Variants in MMS19 observed in about 807,000 individuals in gnomAD.
The protein encoded by MMS19 is MMS19 nucleotide excision repair protein homolog.
A neutral mutation model predicts 129.8 loss-of-function variants in MMS19; 77 were observed. The ratio of observed to expected loss-of-function variants is 0.59; its 90% confidence interval spans 0.49 to 0.72. MMS19 has a LOEUF of 0.72. Among genes scored for constraint, MMS19 ranks in the 30% least tolerant of loss-of-function variants. MMS19 has a pLI of 0.00. For synonymous variants in MMS19, 491 were observed against 502.8 expected (o/e 0.98, Z 0.31); for missense variants, 1,168 against 1,266.3 (o/e 0.92, Z 1.18).
intron 18 of MMS19, among the ~76,000 whole-genome samples, 153 bp from the exon 19 acceptor site, chr10:97,464,166 C>G (rs952764868): frequency 1.3e-5 from 2 of 152,228 alleles, no homozygotes; most frequent in Non-Finnish European, 1.5e-5. Flanking sequence ...CCTGGCTGTT[C>G]TTTCTGATCT....
At chr10:97,461,290 T>G (rs1371444167) in intron 23 of MMS19, 1 of 637,500 alleles carries the variant, frequency 1.6e-6, no homozygotes. Flanking sequence ...CTCTTTGTGC[T>G]CCCTTCTCTT....
intron 8 of MMS19, among the ~76,000 whole-genome samples, chr10:97,473,151 T>G (rs2035076436): frequency 6.6e-6 from 1 of 152,072 alleles, no homozygotes; most frequent in Non-Finnish European, 1.5e-5. Flanking sequence ...TTCTCCTGCC[T>G]CAGCCTCCCA....
chr10:97,469,279 G>A (rs925277181), intron 11 of MMS19, among the ~76,000 whole-genome samples, 175 bp from the exon 12 acceptor site: 3 of 152,174 alleles, frequency 2.0e-5, no homozygotes, highest in Non-Finnish European at 4.4e-5. Flanking sequence ...CAAGTCCTTA[G>A]TCACACTCAG....
In MMS19 at chr10:97,469,803, C is replaced by T. The variant is rs919151764; in HGVS notation, c.847-80G>A. On this transcript the variant is annotated intron_variant, in intron 10 of 30. Transcript: ENST00000438925. ...TGCAGGTACCTCAGCATAATGGCAC[C>T]TGAAGGAGCCCTGGTCTCAGCAGAA... 3 of 1,214,610 alleles carry T rather than the reference C, an allele frequency of 2.5e-6. No homozygotes were observed. In the Admixed American group the frequency reaches 5.4e-5, roughly 22 times the overall value. 75.2% of individuals were successfully genotyped at this position (1,214,610 alleles called of 1,614,324 possible). A position where few individuals can be genotyped will look rare whatever the true frequency, so the allele number is the denominator to read the frequency against.
At chr10:97,483,948 C>A (rs2037344813) in intron 2 of MMS19, among the ~76,000 whole-genome samples, 155 bp downstream of exon 2, 1 of 152,208 alleles carries the variant, frequency 6.6e-6, no homozygotes, top group Non-Finnish European at 1.5e-5. Context: ...AGAAACAATT[C>A]AAACATATAG....
At position 97,458,879 on chromosome 10, in the gene MMS19, C is replaced by T. The variant is rs1399237261; in HGVS notation, c.2986G>A (p.Val996Met). Residue 996 changes from valine to methionine, a missense_variant, in exon 30 of 31, where the codon GTG (valine) becomes ATG (methionine). Val to Met is a conservative substitution (Grantham distance 21). Around this residue, in one of 3 missense-constraint regions of MMS19, gnomAD observed 831 missense variants for 910.8 expected, o/e 0.91. Coordinates refer to ENST00000438925, the MANE Select transcript of MMS19 (RefSeq NM_022362.5). ...AGGGGTTTGGCTAAGGCCCGAATCA[C>T]CTGTGGTTTGTACGGCAGCAGCTGT... is the stretch of plus-strand genomic sequence containing the variant. ...TPVLLPYKPQVIRALAKPLDD... is the reference protein window; with the variant it reads ...TPVLLPYKPQMIRALAKPLDD... 3.1e-6 allele frequency: 5 copies of T among 1,613,914 alleles called. No homozygotes were observed. In the African/African-American group the frequency reaches 6.7e-5, roughly 22 times the overall value.
At chr10:97,466,674 C>A in intron 15 of MMS19, 89 bp from the exon 16 acceptor site, 2 of 1,588,818 alleles carry the variant, frequency 1.3e-6, no homozygotes, top group Non-Finnish European at 1.7e-6. Context: ...CCCAAATCAT[C>A]CAGAGTTGCA....
intron 1 of MMS19, among the ~76,000 whole-genome samples, chr10:97,495,384 C>G (rs969568395): frequency 7.9e-5 from 12 of 152,234 alleles, no homozygotes; most frequent in African/African-American, 2.7e-4. Context: ...AAGGTGGCAG[C>G]AGCTGCTTTT....
chr10:97,485,169 C>T (rs183363530), intron 1 of MMS19, among the ~76,000 whole-genome samples: 1 of 152,090 alleles, frequency 6.6e-6, no homozygotes, highest in Non-Finnish European at 1.5e-5. Flanking sequence ...GCCTTTGTCA[C>T]CCAGGCTAGA....
At chr10:97,481,527 G>A (rs902472436) in intron 2 of MMS19, among the ~76,000 whole-genome samples, 2 of 152,070 alleles carry the variant, frequency 1.3e-5, no homozygotes, top group Non-Finnish European at 2.9e-5. Flanking sequence ...AGTTCCTAGA[G>A]TAAAAGAAAA....
chr10:97,467,802 T>C (rs1589620608), intron 13 of MMS19, among the ~76,000 whole-genome samples: 1 of 151,970 alleles, frequency 6.6e-6, no homozygotes, highest in East Asian at 1.9e-4. Context: ...TAGCTGGGAC[T>C]ACAGATGCGT....
chr10:97,469,979 G>T (rs2034344909), intron 10 of MMS19, 150 bp downstream of exon 10: 1 of 662,200 alleles, frequency 1.5e-6, no homozygotes, highest in Non-Finnish European at 2.7e-6. Context: ...ATATGCAGCT[G>T]GGGGCTTCAG....
chr10:97,498,575 G>A, upstream of MMS19: 1 of 656,328 alleles, frequency 1.5e-6, no homozygotes, highest in Middle Eastern at 3.9e-4. Context: ...CACCGAGAGG[G>A]AAGGCGGCTG....
chr10:97,481,213 C>A (rs1172934274), intron 2 of MMS19, among the ~76,000 whole-genome samples, 171 bp from the exon 3 acceptor site: 1 of 152,118 alleles, frequency 6.6e-6, no homozygotes, highest in Non-Finnish European at 1.5e-5. Flanking sequence ...ATTACAGATA[C>A]CAGTAAGGAC....
chr10:97,477,801 T>C (rs924643561), intron 5 of MMS19, 54 bp downstream of exon 5: 5 of 1,307,932 alleles, frequency 3.8e-6, no homozygotes, highest in Admixed American at 5.4e-5. Flanking sequence ...TGAATCCCAG[T>C]TATGTCAAGG....
At chr10:97,482,511 T>C (rs1204999020) in intron 2 of MMS19, among the ~76,000 whole-genome samples, 1 of 151,924 alleles carries the variant, frequency 6.6e-6, no homozygotes, top group Non-Finnish European at 1.5e-5. Flanking sequence ...AGATTAGTGA[T>C]TGCTGGGGGT....
chr10:97,461,508 T>G lies in MMS19; in HGVS notation c.2299A>C (p.Lys767Gln). 3 of 1,606,636 alleles carry G rather than the reference T, an allele frequency of 1.9e-6. No homozygotes were observed. Among genetic ancestry groups the G allele is most frequent in the Non-Finnish European group, 2.5e-6 (3 of 1,176,558 alleles). ...AAKCFAGLLN[K>Q]HPAGQQLDEF... ...CTGATCTCAGTACCTGCAGGGTGCT[T>G]GTTGAGGAGTCCTGCAAAGCACTTG... is the stretch of plus-strand genomic sequence containing the variant. Residue 767 changes from lysine (K) to glutamine (Q), a missense_variant, in exon 23 of 31, where the codon AAG (lysine) becomes CAG (glutamine). Coordinates refer to ENST00000438925, the MANE Select transcript of MMS19 (RefSeq NM_022362.5).
rs767305641 is a variant in MMS19 at position 97,461,533 on chromosome 10, G to A, written c.2274C>T (p.Ala758=). The A allele has an allele frequency of 2.5e-6, 4 of 1,605,124 alleles. No homozygotes were observed. In the African/African-American group the frequency reaches 5.4e-5, roughly 21 times the overall value. Residue 758 remains alanine (A), a synonymous_variant, in exon 23 of 31, where the codon GCC becomes GCT. Coordinates refer to ENST00000438925, the MANE Select transcript of MMS19 (RefSeq NM_022362.5). ...HSCPFSSTAA[A]KCFAGLLNKH... ...TGTTGAGGAGTCCTGCAAAGCACTTGGCAGCAGCGGTGGAAGAAAAGGGGC... is the reference window on the plus strand; with the variant it reads ...TGTTGAGGAGTCCTGCAAAGCACTTAGCAGCAGCGGTGGAAGAAAAGGGGC...
rs1172084037 is a variant in MMS19, at chr10:97,482,728, G to GTGTA, written c.161+1374_161+1375insTACA. Among the ~76,000 whole-genome samples the GTGTA allele has an allele frequency of 1.1e-3, 146 of 133,402 alleles. No individual in the cohort carries two copies. In the South Asian group the frequency reaches 0.011, roughly 10 times the overall value. The allele number at this position is 133,402 out of a possible 152,430, so 87.5% of individuals were successfully genotyped here. The stretch of plus-strand genomic sequence containing the variant: ...AGGCTGTGTGTGTGTGTGTGTGTGT[G>GTGTA]TATATATATACACACACACACACAC... On this transcript the variant is annotated intron_variant, in intron 2 of 30. Transcript: ENST00000438925.
Sources: allele counts gnomAD v4.1 joint callset (sites outside exome capture counted in the v4.1 genomes callset), GRCh38; gene constraint gnomAD v4.1.1; regional missense constraint gnomAD v4.1.1; transcripts MANE v1.5; gene names NCBI Gene and HGNC (gene_info 2026-07-23, HGNC 2026-07-21).